Variants in VRK2 observed in about 807,000 individuals in gnomAD.
VRK2 encodes the protein serine/threonine-protein kinase VRK2.
VRK2 carries 60 observed loss-of-function variants against 57.6 expected under a neutral mutation model. The ratio of observed to expected loss-of-function variants is 1.04; its 90% CI spans 0.85 to 1.29. VRK2 has a LOEUF of 1.29. Ranked by LOEUF, VRK2 falls within the 50% of genes most tolerant of loss-of-function variation. The probability of loss-of-function intolerance (pLI) is 0.00; values close to 1 mark genes in which losing one functional copy is unlikely to be tolerated. For missense variants in VRK2, 705 were observed against 588.1 expected (o/e 1.20, Z -2.06); for synonymous variants, 231 against 199.2 (o/e 1.16, Z -1.35).
chr2:58,063,466 A>G (rs1677668519), intron 2 of VRK2, among the ~76,000 whole-genome samples: 1 of 152,034 alleles, frequency 6.6e-6, no homozygotes, highest in Non-Finnish European at 1.5e-5. Flanking sequence ...CTATGGTTGT[A>G]TGCATGTAAC....
At chr2:58,069,912 A>G (rs915400097) in intron 2 of VRK2, among the ~76,000 whole-genome samples, 5 of 152,140 alleles carry the variant, frequency 3.3e-5, no homozygotes, top group Admixed American at 2.6e-4. Context: ...GAAATGGAAT[A>G]TCTGATTCAA....
intron 2 of VRK2, among the ~76,000 whole-genome samples, chr2:58,073,952 C>T (rs551288199): frequency 6.6e-6 from 1 of 152,124 alleles, no homozygotes; most frequent in South Asian, 2.1e-4. Context: ...TAAGGGTGGA[C>T]CTGCCTTTCC....
intron 3 of VRK2, among the ~76,000 whole-genome samples, chr2:58,037,420 T>C (rs145090453): frequency 1.1e-4 from 17 of 152,188 alleles, no homozygotes; most frequent in African/African-American, 4.1e-4. Context: ...CCTTAGAATC[T>C]GTTTATTTTC....
intron 2 of VRK2, among the ~76,000 whole-genome samples, chr2:58,052,494 T>G (rs572081066): frequency 6.6e-6 from 1 of 151,572 alleles, no homozygotes; most frequent in Admixed American, 6.6e-5. Context: ...GTCCCAGTAC[T>G]CAGGAGGCTG....
intron 12 of VRK2, among the ~76,000 whole-genome samples, chr2:58,157,420 T>TATCTA (rs1416031384): frequency 3.3e-5 from 5 of 152,168 alleles, no homozygotes; most frequent in African/African-American, 7.2e-5. Flanking sequence ...TCCTAGTACT[T>TATCTA]ATCTACTAGG....
chr2:58,132,027 T>A (rs1679280279), intron 9 of VRK2, 99 bp downstream of exon 9: 1 of 1,447,948 alleles, frequency 6.9e-7, no homozygotes, highest in Admixed American at 2.5e-5. Flanking sequence ...TCACCCAACA[T>A]GACAACCAAA....
At chr2:58,022,369 T>C in intron 1 of VRK2, among the ~76,000 whole-genome samples, 1 of 152,222 alleles carries the variant, frequency 6.6e-6, no homozygotes, top group Non-Finnish European at 1.5e-5. Context: ...ATGGATACAT[T>C]GCCTAGAGTT....
intron 7 of VRK2, among the ~76,000 whole-genome samples, chr2:58,109,952 C>G (rs1343274070): frequency 6.6e-6 from 1 of 152,052 alleles, no homozygotes; most frequent in African/African-American, 2.4e-5. Flanking sequence ...ACCCATCCAT[C>G]TGGAAAAATA....
chr2:58,147,910 C>T (rs1682410159), intron 12 of VRK2, among the ~76,000 whole-genome samples: 1 of 151,378 alleles, frequency 6.6e-6, no homozygotes, highest in Non-Finnish European at 1.5e-5. Context: ...TTCACATGTC[C>T]ATTGTGTAAC....
chr2:58,137,243 A>ATATATG (rs1491510897), intron 10 of VRK2, among the ~76,000 whole-genome samples: 1 of 102,440 alleles, frequency 9.8e-6, no homozygotes, highest in Non-Finnish European at 1.9e-5. Flanking sequence ...CATATATATC[A>ATATATG]TATATATGAT....
intron 7 of VRK2, among the ~76,000 whole-genome samples, chr2:58,122,201 C>G (rs1451800739): frequency 6.6e-6 from 1 of 152,142 alleles, no homozygotes; most frequent in Non-Finnish European, 1.5e-5. Flanking sequence ...ACAGTCTCTT[C>G]ACTATCATTA....
intron 7 of VRK2, among the ~76,000 whole-genome samples, chr2:58,100,697 A>G (rs1207635183): frequency 6.6e-6 from 1 of 151,836 alleles, no homozygotes; most frequent in African/African-American, 2.4e-5. Flanking sequence ...TATAACTATC[A>G]TATGAATACA....
chr2:57,970,562 G>A (rs1672066564), intron 1 of VRK2, among the ~76,000 whole-genome samples: 4 of 151,370 alleles, frequency 2.6e-5, no homozygotes, highest in Admixed American at 2.0e-4. Flanking sequence ...AATTTTGAAA[G>A]CAGTCAATGA....
intron 7 of VRK2, among the ~76,000 whole-genome samples, chr2:58,120,615 A>T (rs1414969702): frequency 6.6e-6 from 1 of 152,144 alleles, no homozygotes; most frequent in African/African-American, 2.4e-5. Context: ...CCTTAGCTTG[A>T]CACAACTTGA....
upstream of VRK2, among the ~76,000 whole-genome samples, chr2:58,041,773 C>T: frequency 6.6e-6 from 1 of 152,138 alleles, no homozygotes; most frequent in East Asian, 1.9e-4. Context: ...AAGCCTGCTA[C>T]CTGGAGGCTC....
At chr2:58,036,703 G>A (rs182782595) in intron 3 of VRK2, among the ~76,000 whole-genome samples, 20 of 151,994 alleles carry the variant, frequency 1.3e-4, no homozygotes, top group Admixed American at 3.3e-4. Flanking sequence ...TATATATCAC[G>A]CTATATTCTG....
intron 1 of VRK2, among the ~76,000 whole-genome samples, chr2:57,926,465 G>A (rs1030737786): frequency 1.1e-4 from 11 of 104,726 alleles, no homozygotes; most frequent in South Asian, 8.6e-4. Flanking sequence ...GTGTGTGTGT[G>A]TGTATAGTGT....
intron 12 of VRK2, among the ~76,000 whole-genome samples, chr2:58,156,598 G>GTT (rs1683906657): frequency 6.7e-6 from 1 of 150,026 alleles, no homozygotes; most frequent in Non-Finnish European, 1.5e-5. Flanking sequence ...GTTTTGTTTT[G>GTT]TTTTGTTTTG....
intron 1 of VRK2, among the ~76,000 whole-genome samples, chr2:57,965,112 A>C (rs1413044282): frequency 6.6e-6 from 1 of 152,174 alleles, no homozygotes; most frequent in Non-Finnish European, 1.5e-5. Context: ...CACACTCAAT[A>C]ATAGGTATAT....
Sources: allele counts gnomAD v4.1 joint callset (sites outside exome capture counted in the v4.1 genomes callset), GRCh38; gene constraint gnomAD v4.1.1; transcripts MANE v1.5; gene names NCBI Gene and HGNC (gene_info 2026-07-23, HGNC 2026-07-21).